HIVEP3: variants seen among roughly 807,000 people sequenced by gnomAD.
HIVEP3 encodes HIVEP zinc finger 3.
HIVEP3 carries 49 observed loss-of-function variants against 152.8 expected under a neutral mutation model. The observed-to-expected ratio is 0.32, with a 90% confidence interval of 0.26 to 0.41. The LOEUF is 0.41. Ranked by LOEUF, HIVEP3 falls within the 10% of genes least tolerant of loss-of-function variation. The probability of loss-of-function intolerance (pLI) is 1.00; values close to 1 mark genes in which losing one functional copy is unlikely to be tolerated. For synonymous variants in HIVEP3, 1,269 were observed against 1,289.0 expected (o/e 0.98, Z 0.33); for missense variants, 2,790 against 3,103.3 (o/e 0.90, Z 2.40).
chr1:41,550,352 A>T (rs547400355), intron 5 of HIVEP3, among the ~76,000 whole-genome samples: 1 of 152,184 alleles, frequency 6.6e-6, no homozygotes, highest in Non-Finnish European at 1.5e-5. Context: ...TTGACTTGGC[A>T]GTGCGGGCTT....
chr1:41,690,013 G>A (rs910239313), intron 2 of HIVEP3, among the ~76,000 whole-genome samples: 3 of 152,226 alleles, frequency 2.0e-5, no homozygotes, highest in Non-Finnish European at 4.4e-5. Context: ...CGTGTGCCTA[G>A]GTCCTTGGGA....
intron 1 of HIVEP3, among the ~76,000 whole-genome samples, chr1:41,859,827 G>A (rs897726690): frequency 2.6e-5 from 4 of 152,066 alleles, no homozygotes; most frequent in Non-Finnish European, 5.9e-5. Context: ...TTCCTCTTGC[G>A]AATTGCCTGT....
At chr1:41,938,452 A>C (rs908153247) in intron 1 of HIVEP3, among the ~76,000 whole-genome samples, 1 of 152,186 alleles carries the variant, frequency 6.6e-6, no homozygotes, top group African/African-American at 2.4e-5. Context: ...GAGAAGGAGG[A>C]AGGTCAGGGG....
chr1:41,576,853 C>T (rs966693767), intron 4 of HIVEP3, among the ~76,000 whole-genome samples: 4 of 152,178 alleles, frequency 2.6e-5, no homozygotes, highest in African/African-American at 7.2e-5. Flanking sequence ...AATTCCAGGG[C>T]AACTTCTGTG....
Position 41,705,506 on chromosome 1 carries a change from A to G in HIVEP3, c.-800-4511T>C, listed in dbSNP as rs184611717. The stretch of plus-strand genomic sequence containing the variant: ...GTTTGCTTGTATCTTGCCTACTTCC[A>G]AAAAGGATGTGAGGAAGGTTAAGGA... On this transcript the variant is annotated intron_variant, in intron 1 of 8. Transcript: ENST00000372583. 4.6e-5 allele frequency among the ~76,000 whole-genome samples: 7 copies of G among 152,328 alleles called. No individual in the cohort carries two copies. In the East Asian group the frequency reaches 1.2e-3, roughly 25 times the overall value.
intron 1 of HIVEP3, among the ~76,000 whole-genome samples, chr1:41,900,422 A>G (rs1407618863): frequency 6.6e-6 from 1 of 152,210 alleles, no homozygotes; most frequent in Non-Finnish European, 1.5e-5. Context: ...TTGGGGGTAG[A>G]GTATTTTGCA....
At position 41,509,009 on chromosome 1, in the gene HIVEP3, T is replaced by C. The variant is rs1239636322; in HGVS notation, c.*1442A>G. Reference sequence around the variant, plus strand: ...AAGTTCCATAGTTCAATTTGGGATTTAAATTTCTGGTCCTATTATTTTTCT... The same window carrying C: ...AAGTTCCATAGTTCAATTTGGGATTCAAATTTCTGGTCCTATTATTTTTCT... On this transcript the variant is annotated 3_prime_UTR_variant, in exon 9 of 9. Transcript: ENST00000372583. 1 of 152,264 alleles carries C rather than the reference T, an allele frequency of 6.6e-6. No individual in the cohort carries two copies. Among genetic ancestry groups the C allele is most frequent in the African/African-American group, 2.4e-5 (1 of 41,474 alleles). 9.4% of individuals were successfully genotyped at this position (152,264 alleles called of 1,614,324 possible).
chr1:41,614,013 C>A (rs189898411), intron 3 of HIVEP3, among the ~76,000 whole-genome samples: 1 of 152,212 alleles, frequency 6.6e-6, no homozygotes, highest in African/African-American at 2.4e-5. Context: ...AGCACCCTGA[C>A]GCCCAGGCCA....
At chr1:41,643,665 C>A (rs1244328348) in intron 2 of HIVEP3, among the ~76,000 whole-genome samples, 1 of 152,164 alleles carries the variant, frequency 6.6e-6, no homozygotes, top group African/African-American at 2.4e-5. Context: ...TCCCAGAACC[C>A]CTGATGGCCT....
intron 1 of HIVEP3, among the ~76,000 whole-genome samples, chr1:41,971,921 G>A (rs1233141149): frequency 2.0e-5 from 3 of 152,146 alleles, no homozygotes; most frequent in Non-Finnish European, 2.9e-5. Context: ...GTGAGGACAC[G>A]GTGTTCCTGC....
intron 1 of HIVEP3, among the ~76,000 whole-genome samples, chr1:41,870,378 A>AT (rs1434658433): frequency 2.0e-5 from 3 of 152,216 alleles, no homozygotes; most frequent in Non-Finnish European, 4.4e-5. Flanking sequence ...TTGCAATTAA[A>AT]TAATCACACA....
In HIVEP3 at chr1:41,995,194, G is replaced by A. The variant is rs569876989; in HGVS notation, n.119+40613C>T. Among the ~76,000 whole-genome samples the A allele has an allele frequency of 7.2e-5, 11 of 151,986 alleles. No homozygotes were observed. The South Asian group carries it at 1.5e-3, about 20-fold the overall frequency. ...CAGTGAAACCCAATCGCACTAAGTGGAAGAAACCCACTCCTAGACACATCA... is the reference window on the plus strand; with the variant it reads ...CAGTGAAACCCAATCGCACTAAGTGAAAGAAACCCACTCCTAGACACATCA... On this transcript the variant is annotated intron_variant and non_coding_transcript_variant, in intron 1 of 3. Transcript: ENST00000489103.
intron 1 of HIVEP3, among the ~76,000 whole-genome samples, chr1:42,018,103 T>C (rs879021999): frequency 3.9e-5 from 6 of 152,038 alleles, no homozygotes; most frequent in Non-Finnish European, 7.4e-5. Context: ...AAGCTTTTTG[T>C]CCACTTTTCT....
At chr1:41,746,523 T>A (rs139298833) in intron 1 of HIVEP3, among the ~76,000 whole-genome samples, 138 of 152,270 alleles carry the variant, frequency 9.1e-4, no homozygotes, top group African/African-American at 2.9e-3. Flanking sequence ...GAGCATGGGG[T>A]GCAAGAGCTT....
intron 1 of HIVEP3, among the ~76,000 whole-genome samples, chr1:42,016,201 T>C (rs1209560220): frequency 6.6e-6 from 1 of 152,224 alleles, no homozygotes; most frequent in African/African-American, 2.4e-5. Context: ...CACGTTTTAT[T>C]CTCTATGTGC....
chr1:41,832,912 G>T (rs1054073655), intron 1 of HIVEP3, among the ~76,000 whole-genome samples: 7 of 152,176 alleles, frequency 4.6e-5, no homozygotes, highest in African/African-American at 1.2e-4. Flanking sequence ...CCACATAGGG[G>T]TCTGGCTGAG....
intron 3 of HIVEP3, among the ~76,000 whole-genome samples, chr1:41,609,252 C>T (rs1332595723): frequency 6.6e-6 from 1 of 152,216 alleles, no homozygotes. Context: ...TCTCAGAACT[C>T]CATGGTGTCT....
Position 41,511,020 on chromosome 1 carries a change from T to C in HIVEP3, c.6652A>G (p.Thr2218Ala), listed in dbSNP as rs367935226. 2 of 1,613,288 alleles carry C rather than the reference T, an allele frequency of 1.2e-6. No homozygotes were observed. Among genetic ancestry groups the C allele is most frequent in the Non-Finnish European group, 1.7e-6 (2 of 1,179,702 alleles). Reference protein sequence around the residue: ...GAHPTLLPGPTAAWVSGFSGG... With the variant: ...GAHPTLLPGPAAAWVSGFSGG... ...GAGAAGCCACTGACCCAGGCTGCGGTGGGCCCTGGCAGCAGGGTGGGGTGG... is the reference window on the plus strand; with the variant it reads ...GAGAAGCCACTGACCCAGGCTGCGGCGGGCCCTGGCAGCAGGGTGGGGTGG... The change falls in exon 9 of 9, where the codon ACC becomes GCC. Residue 2218 changes from threonine to alanine, a missense_variant. By Grantham distance (58) the Thr-to-Ala change is moderately conservative. Transcript: ENST00000372583. The surrounding 1 kb of genome is among the most constrained non-coding windows in gnomAD (Gnocchi z 4.9).
intron 1 of HIVEP3, among the ~76,000 whole-genome samples, chr1:41,856,841 A>T (rs1643781514): frequency 6.6e-6 from 1 of 152,294 alleles, no homozygotes; most frequent in Non-Finnish European, 1.5e-5. Flanking sequence ...CAGGAACACT[A>T]TCGGCAGGAA....
Sources: allele counts gnomAD v4.1 joint callset (sites outside exome capture counted in the v4.1 genomes callset), GRCh38; gene constraint gnomAD v4.1.1; non-coding constraint Gnocchi (gnomAD v3.1); transcripts MANE v1.5; gene names NCBI Gene and HGNC (gene_info 2026-07-23, HGNC 2026-07-21).